The following IQCM variants were observed in gnomAD, a reference collection of about 807,000 sequenced individuals.
The protein encoded by IQCM is IQ motif containing M.
A neutral mutation model predicts 57.6 loss-of-function variants in IQCM; 45 were observed. That is an observed-to-expected ratio of 0.78 (90% CI 0.62 to 1.00). The LOEUF (loss-of-function observed/expected upper bound fraction) is 1.00. IQCM is among the 50% of genes least tolerant of loss of function. The probability of loss-of-function intolerance (pLI) is 0.00; values close to 1 mark genes in which losing one functional copy is unlikely to be tolerated. For missense variants in IQCM, 468 were observed against 511.6 expected, an observed-to-expected ratio of 0.91 and a Z score of 0.82; for synonymous variants, 148 against 158.9, an observed-to-expected ratio of 0.93 and a Z score of 0.51.
At chr4:149,695,905 T>G (rs1391272454) in intron 5 of IQCM, among the ~76,000 whole-genome samples, 1 of 152,184 alleles carries the variant, frequency 6.6e-6, no homozygotes, top group Non-Finnish European at 1.5e-5. Context: ...CTGAGATTTG[T>G]TAATGGTTGT....
rs1047461147 is a variant in IQCM, at chr4:149,407,560, G to C, written c.1390+25836C>G. Among the ~76,000 whole-genome samples, 8 of 151,638 alleles carry C rather than the reference G, an allele frequency of 5.3e-5. No individual in the cohort carries two copies. In the South Asian group the frequency reaches 1.7e-3, roughly 31 times the overall value. ...TTAGCTCCCACTTAAAAGTGGAAAC[G>C]GATTTTTTTTTAATTTTCTGTTATT... is the stretch of plus-strand genomic sequence containing the variant. On this transcript the variant is annotated intron_variant, in intron 13 of 13. Coordinates refer to ENST00000636793, the MANE Select transcript of IQCM (RefSeq NM_001363507.2).
chr4:149,537,124 A>G (rs1747375094), intron 12 of IQCM, among the ~76,000 whole-genome samples: 1 of 151,958 alleles, frequency 6.6e-6, no homozygotes, highest in Admixed American at 6.6e-5. Context: ...CTAAAAATTG[A>G]CTCTGAATGA....
rs1379852255 is a variant in IQCM, at chr4:149,742,704, G to C, written c.-13C>G. 19 of 1,230,914 alleles carry C rather than the reference G, an allele frequency of 1.5e-5. No individual in the cohort carries two copies. Among genetic ancestry groups the C allele is most frequent in the East Asian group, 9.5e-5 (3 of 31,658 alleles). 76.2% of individuals were successfully genotyped at this position (1,230,914 alleles called of 1,614,324 possible). A position where few individuals can be genotyped will look rare whatever the true frequency, so the allele number is the denominator to read the frequency against. On this transcript the variant is annotated 5_prime_UTR_variant, in exon 3 of 14. Coordinates refer to ENST00000636793, the MANE Select transcript of IQCM (RefSeq NM_001363507.2). ...CTTCAGTAGTCATGAGGGGCAGTTAGAATGATCTTCTTTTTTAAAGTGTGA... is the reference window on the plus strand; with the variant it reads ...CTTCAGTAGTCATGAGGGGCAGTTACAATGATCTTCTTTTTTAAAGTGTGA...
chr4:149,624,508 A>G (rs1343928533), intron 7 of IQCM, among the ~76,000 whole-genome samples: 1 of 152,188 alleles, frequency 6.6e-6, no homozygotes, highest in Non-Finnish European at 1.5e-5. Context: ...TTGTTATTTT[A>G]TAAGCTTAAA....
intron 5 of IQCM, among the ~76,000 whole-genome samples, chr4:149,732,441 C>T (rs551082314): frequency 2.1e-3 from 313 of 152,160 alleles, no homozygotes; most frequent in African/African-American, 7.3e-3. Flanking sequence ...TCAGTGTTTC[C>T]ATAATGCTTC....
intron 7 of IQCM, among the ~76,000 whole-genome samples, chr4:149,633,799 A>G (rs558919805): frequency 7.2e-5 from 11 of 152,222 alleles, no homozygotes; most frequent in South Asian, 2.1e-4. Flanking sequence ...CAGTCCCCCA[A>G]TAACCCATCC....
chr4:149,683,838 T>C (rs796918641), intron 6 of IQCM, among the ~76,000 whole-genome samples: 4 of 151,466 alleles, frequency 2.6e-5, no homozygotes, highest in African/African-American at 9.6e-5. Flanking sequence ...GGCAGTTGCT[T>C]CACACAAATG....
rs563627903 is a variant in IQCM at position 149,778,176 on chromosome 4, A to T, written c.-48-35437T>A. On this transcript the variant is annotated intron_variant, in intron 2 of 13. Coordinates refer to ENST00000636793, the MANE Select transcript of IQCM (RefSeq NM_001363507.2). Reference sequence around the variant, plus strand: ...TGGATCACGAGGTCAGGAGATCCAGACCATCCTGGCTAACACGGTGAAACC... The same window carrying T: ...TGGATCACGAGGTCAGGAGATCCAGTCCATCCTGGCTAACACGGTGAAACC... Among the ~76,000 whole-genome samples the T allele has an allele frequency of 8.5e-5, 13 of 152,352 alleles. No individual in the cohort carries two copies. The East Asian group carries it at 2.5e-3, about 29-fold the overall frequency.
intron 12 of IQCM, among the ~76,000 whole-genome samples, chr4:149,481,059 G>A (rs1243017053): frequency 6.6e-6 from 1 of 151,988 alleles, no homozygotes; most frequent in Non-Finnish European, 1.5e-5. Flanking sequence ...TGTCTTCTTT[G>A]GAGAAATGGC....
intron 2 of IQCM, among the ~76,000 whole-genome samples, chr4:149,743,255 C>T (rs1426233342): frequency 6.6e-6 from 1 of 152,022 alleles, no homozygotes; most frequent in Non-Finnish European, 1.5e-5. Flanking sequence ...AATGCCTTGA[C>T]CTCTCATCTA....
intron 9 of IQCM, among the ~76,000 whole-genome samples, chr4:149,585,362 C>CA (rs1347021482): frequency 1.3e-5 from 2 of 151,592 alleles, no homozygotes; most frequent in Non-Finnish European, 3.0e-5. Context: ...ATAAATCCAA[C>CA]ATGTGGACTC....
intron 13 of IQCM, among the ~76,000 whole-genome samples, chr4:149,425,590 T>C (rs1386359462): frequency 5.3e-5 from 8 of 151,958 alleles, no homozygotes; most frequent in Non-Finnish European, 1.0e-4. Flanking sequence ...TCCACCTTTT[T>C]TTCTATTTAA....
intron 10 of IQCM, among the ~76,000 whole-genome samples, chr4:149,557,795 A>T (rs1450987971): frequency 6.6e-6 from 1 of 152,158 alleles, no homozygotes; most frequent in East Asian, 1.9e-4. Flanking sequence ...CAATCTCCTT[A>T]AAGTCCGTAT....
intron 7 of IQCM, among the ~76,000 whole-genome samples, chr4:149,653,409 A>G (rs1759366711): frequency 6.6e-6 from 1 of 152,194 alleles, no homozygotes; most frequent in Admixed American, 6.5e-5. Flanking sequence ...GCAGGGTCTC[A>G]TGCCTATGAA....
intron 12 of IQCM, among the ~76,000 whole-genome samples, chr4:149,506,314 T>C (rs1330941599): frequency 6.6e-6 from 1 of 152,214 alleles, no homozygotes; most frequent in Non-Finnish European, 1.5e-5. Flanking sequence ...TGCAAAAGGA[T>C]TCTTTGAAAA....
chr4:149,634,863 G>A (rs1306122919), intron 7 of IQCM, among the ~76,000 whole-genome samples: 1 of 152,056 alleles, frequency 6.6e-6, no homozygotes, highest in Non-Finnish European at 1.5e-5. Context: ...TTTATGAATG[G>A]ATATCAAAGA....
At chr4:149,463,359 C>G (rs183032415) in intron 12 of IQCM, among the ~76,000 whole-genome samples, 4 of 152,220 alleles carry the variant, frequency 2.6e-5, no homozygotes, top group Admixed American at 6.5e-5. Context: ...TTCGTTAACA[C>G]TAGCAATCAA....
At chr4:149,493,653 C>T (rs1203302152) in intron 12 of IQCM, among the ~76,000 whole-genome samples, 1 of 152,048 alleles carries the variant, frequency 6.6e-6, no homozygotes, top group Non-Finnish European at 1.5e-5. Context: ...TGGCTCCCAG[C>T]AATCAGTACT....
intron 11 of IQCM, among the ~76,000 whole-genome samples, chr4:149,550,479 C>T (rs771969971): frequency 6.6e-6 from 1 of 152,098 alleles, no homozygotes; most frequent in African/African-American, 2.4e-5. Context: ...TTGAATTAAT[C>T]ACTTTATATG....
Sources: gnomAD v4.1 joint callset for allele counts (sites outside exome capture counted in the v4.1 genomes callset) on GRCh38, gnomAD v4.1.1 for gene constraint, MANE v1.5 for transcripts, NCBI Gene and HGNC (gene_info 2026-07-23, HGNC 2026-07-21) for gene names.